MGAT4C: variants seen among roughly 807,000 people sequenced by gnomAD.
MGAT4C encodes alpha-1,3-mannosyl-glycoprotein 4-beta-N-acetylglucosaminyltransferase C.
MGAT4C carries 19 observed loss-of-function variants against 40.1 expected under a neutral mutation model. The ratio of observed to expected loss-of-function variants is 0.47; its 90% CI spans 0.33 to 0.70. The LOEUF (loss-of-function observed/expected upper bound fraction) is 0.70, where lower values mean the gene tolerates loss of function less well. Among genes scored for constraint, MGAT4C ranks in the 30% least tolerant of loss-of-function variants. MGAT4C has a pLI of 0.02. For synonymous variants in MGAT4C, 181 were observed against 187.1 expected (o/e 0.97, Z 0.27); for missense variants, 491 against 563.2 (o/e 0.87, Z 1.30).
chr12:86,478,892 T>C (rs1240519030), intron 2 of MGAT4C, among the ~76,000 whole-genome samples: 1 of 152,114 alleles, frequency 6.6e-6, no homozygotes, highest in African/African-American at 2.4e-5. Flanking sequence ...CTAAATTATT[T>C]AATATCTATT....
intron 1 of MGAT4C, among the ~76,000 whole-genome samples, chr12:86,757,292 C>T (rs1377376983): frequency 1.3e-5 from 2 of 152,034 alleles, no homozygotes; most frequent in East Asian, 1.9e-4. Context: ...GTGCAGCAAA[C>T]CATCATGCCA....
intron 1 of MGAT4C, among the ~76,000 whole-genome samples, chr12:86,221,301 T>A (rs1398862747): frequency 6.6e-6 from 1 of 152,028 alleles, no homozygotes; most frequent in African/African-American, 2.4e-5. Flanking sequence ...CTCTTAAGAG[T>A]CTTAAATACT....
chr12:86,360,001 AC>A (rs1955422563), intron 3 of MGAT4C, among the ~76,000 whole-genome samples: 1 of 152,196 alleles, frequency 6.6e-6, no homozygotes, highest in Non-Finnish European at 1.5e-5. Context: ...TCATCCTGAT[AC>A]CAAAGCTGGG....
chr12:86,693,691 T>G (rs970713189), intron 2 of MGAT4C, among the ~76,000 whole-genome samples: 1 of 152,176 alleles, frequency 6.6e-6, no homozygotes, highest in African/African-American at 2.4e-5. Flanking sequence ...ATAATTAGTT[T>G]TATTTTACTG....
chr12:86,292,104 T>A (rs775157791), intron 4 of MGAT4C, among the ~76,000 whole-genome samples: 2 of 152,164 alleles, frequency 1.3e-5, no homozygotes, highest in Non-Finnish European at 2.9e-5. Flanking sequence ...CTGTTGTTAC[T>A]GCTTGGAGGC....
intron 2 of MGAT4C, among the ~76,000 whole-genome samples, chr12:86,627,483 T>G (rs939310790): frequency 8.6e-5 from 1 of 11,622 alleles, no homozygotes; most frequent in Admixed American, 1.4e-3. Flanking sequence ...TGACTGACAC[T>G]TCATACAGCT....
intron 1 of MGAT4C, among the ~76,000 whole-genome samples, chr12:86,735,555 T>G (rs1950972247): frequency 6.6e-6 from 1 of 151,888 alleles, no homozygotes; most frequent in African/African-American, 2.4e-5. Context: ...TCTATTTCAT[T>G]TTGGGGTCAA....
intron 3 of MGAT4C, among the ~76,000 whole-genome samples, chr12:86,414,280 A>T (rs562528194): frequency 3.9e-5 from 6 of 152,304 alleles, no homozygotes; most frequent in African/African-American, 1.4e-4. Context: ...ATTTTAATTA[A>T]TGTTAAACAA....
intron 2 of MGAT4C, among the ~76,000 whole-genome samples, chr12:86,623,596 T>C (rs1231752622): frequency 6.6e-6 from 1 of 152,174 alleles, no homozygotes; most frequent in Non-Finnish European, 1.5e-5. Flanking sequence ...TAGAATTCTA[T>C]ATCAAGTCAA....
chr12:86,636,643 G>A (rs989629080), intron 2 of MGAT4C, among the ~76,000 whole-genome samples: 3 of 151,886 alleles, frequency 2.0e-5, no homozygotes, highest in Non-Finnish European at 4.4e-5. Context: ...ATATTTTCAG[G>A]TAAGTAAATG....
intron 3 of MGAT4C, among the ~76,000 whole-genome samples, chr12:86,352,856 G>C (rs113540742): frequency 6.7e-6 from 1 of 149,538 alleles, no homozygotes. Flanking sequence ...ATCACACTCC[G>C]GGGTCTGTTG....
At chr12:86,567,378 T>G (rs966532104) in intron 2 of MGAT4C, among the ~76,000 whole-genome samples, 12 of 152,146 alleles carry the variant, frequency 7.9e-5, no homozygotes, top group African/African-American at 2.9e-4. Flanking sequence ...CTGGCCACTT[T>G]GGGCTCCTCT....
intron 2 of MGAT4C, chr12:86,599,673 T>A (rs1961691469): frequency 6.6e-6 from 1 of 151,842 alleles, no homozygotes; most frequent in African/African-American, 2.4e-5. Flanking sequence ...TGAAAAAAAA[T>A]GGAGCAAAAG....
intron 2 of MGAT4C, among the ~76,000 whole-genome samples, chr12:86,613,673 A>T (rs1172680296): frequency 1.3e-5 from 2 of 152,162 alleles, no homozygotes; most frequent in Non-Finnish European, 2.9e-5. Context: ...CTATAACTGC[A>T]AGCACCCTAA....
At chr12:86,040,347 C>A (rs901977280) in intron 2 of MGAT4C, among the ~76,000 whole-genome samples, 2 of 152,198 alleles carry the variant, frequency 1.3e-5, no homozygotes, top group Non-Finnish European at 2.9e-5. Flanking sequence ...CCTCTTCTCC[C>A]AGGTGCTCTG....
intron 1 of MGAT4C, among the ~76,000 whole-genome samples, chr12:86,238,266 G>C (rs1951637894): frequency 1.3e-5 from 2 of 151,938 alleles, no homozygotes; most frequent in African/African-American, 4.8e-5. Context: ...ACACGTGGAA[G>C]ATGCTTTGAG....
intron 3 of MGAT4C, among the ~76,000 whole-genome samples, chr12:86,392,226 C>G (rs1256604989): frequency 6.6e-6 from 1 of 152,110 alleles, no homozygotes. Flanking sequence ...AATCCCAGCA[C>G]TTTGGGAGAT....
chr12:86,752,095 A>C (rs1951237966), intron 1 of MGAT4C, among the ~76,000 whole-genome samples: 1 of 152,044 alleles, frequency 6.6e-6, no homozygotes, highest in Non-Finnish European at 1.5e-5. Context: ...AGATAATTAA[A>C]TTGTAATGCT....
At position 86,370,425 on chromosome 12, in the gene MGAT4C, T is replaced by C. The variant is rs141054675; in HGVS notation, c.-119-36298A>G. The stretch of plus-strand genomic sequence containing the variant: ...GATGTATGAGAAAAATACAAGCATG[T>C]TGATATAGCACTAGTATGGAAAAAC... On this transcript the variant is annotated intron_variant, in intron 3 of 7. Coordinates refer to the MGAT4C transcript ENST00000548651. Among the ~76,000 whole-genome samples the C allele has an allele frequency of 2.8e-4, 42 of 152,186 alleles. 4 individuals are homozygous for C. The East Asian group carries it at 7.3e-3, about 27-fold the overall frequency.
Sources: allele counts gnomAD v4.1 joint callset (sites outside exome capture counted in the v4.1 genomes callset), GRCh38; gene constraint gnomAD v4.1.1; transcripts MANE v1.5; gene names NCBI Gene and HGNC (gene_info 2026-07-23, HGNC 2026-07-21).